The following NEBL variants were observed in gnomAD, a reference collection of about 807,000 sequenced individuals.
NEBL encodes LIM and SH3 protein 2.
A neutral mutation model predicts 140.2 loss-of-function variants in NEBL; 122 were observed. The ratio of observed to expected loss-of-function variants is 0.87; its 90% CI spans 0.75 to 1.01. The LOEUF is 1.01. Ranked by LOEUF, NEBL falls within the 50% of genes least tolerant of loss-of-function variation. The pLI is 0.00. For synonymous variants in NEBL, 436 were observed against 398.9 expected, an observed-to-expected ratio of 1.09 and a Z score of -1.11; for missense variants, 1,365 against 1,231.3, an observed-to-expected ratio of 1.11 and a Z score of -1.62.
chr10:20,989,325 C>T (rs1018236223), intron 3 of NEBL, among the ~76,000 whole-genome samples: 1 of 151,932 alleles, frequency 6.6e-6, no homozygotes, highest in African/African-American at 2.4e-5. Context: ...GAAATGATTT[C>T]CAAAGGTGAT....
intron 2 of NEBL, among the ~76,000 whole-genome samples, chr10:21,120,383 A>T (rs1641193434): frequency 3.1e-5 from 2 of 64,898 alleles, no homozygotes; most frequent in African/African-American, 2.3e-4. Flanking sequence ...TCAAAAAAAA[A>T]AAAAAAATAC....
chr10:20,863,584 G>C (rs1467912120), intron 7 of NEBL, among the ~76,000 whole-genome samples: 1 of 152,028 alleles, frequency 6.6e-6, no homozygotes. Context: ...CAATATCTCT[G>C]CTCTTATTTT....
chr10:20,995,129 A>T (rs536862979), intron 3 of NEBL, among the ~76,000 whole-genome samples: 1 of 152,330 alleles, frequency 6.6e-6, no homozygotes, highest in East Asian at 1.9e-4. Flanking sequence ...CAAAGTCTGA[A>T]CGTCAGGACA....
At chr10:21,137,078 G>A (rs1839388061) in intron 2 of NEBL, among the ~76,000 whole-genome samples, 1 of 152,162 alleles carries the variant, frequency 6.6e-6, no homozygotes, top group Admixed American at 6.5e-5. Context: ...TTGTCTACAG[G>A]GAAGTGATTA....
At chr10:20,981,307 A>C (rs908724740) in intron 3 of NEBL, among the ~76,000 whole-genome samples, 7 of 127,866 alleles carry the variant, frequency 5.5e-5, no homozygotes, top group Non-Finnish European at 9.5e-5. Context: ...GCCAGAAAAG[A>C]AAAAAAAAAA....
At chr10:21,134,141 A>C (rs573339708) in intron 2 of NEBL, among the ~76,000 whole-genome samples, 1 of 152,046 alleles carries the variant, frequency 6.6e-6, no homozygotes, top group East Asian at 1.9e-4. Flanking sequence ...CAGGAGAATC[A>C]CTTGAACCCA....
intron 4 of NEBL, among the ~76,000 whole-genome samples, chr10:20,905,343 T>G (rs903873642): frequency 1.3e-5 from 2 of 151,942 alleles, no homozygotes; most frequent in Non-Finnish European, 2.9e-5. Context: ...ATAAAAGAGG[T>G]TTAATTGACT....
At chr10:21,205,866 C>T (rs572790405) in intron 3 of NEBL, among the ~76,000 whole-genome samples, 1 of 152,208 alleles carries the variant, frequency 6.6e-6, no homozygotes, top group East Asian at 1.9e-4. Context: ...AAACATGCAG[C>T]TAAGGAAAGC....
intron 3 of NEBL, among the ~76,000 whole-genome samples, chr10:21,004,928 AT>A (rs1838068392): frequency 6.6e-6 from 1 of 152,218 alleles, no homozygotes; most frequent in African/African-American, 2.4e-5. Context: ...CCCTTTCAGT[AT>A]TAACCTCTCA....
intron 2 of NEBL, among the ~76,000 whole-genome samples, chr10:21,123,582 A>T (rs1838678073): frequency 6.6e-6 from 1 of 152,028 alleles, no homozygotes. Context: ...GTTATTTCCC[A>T]TGCCTGGAAC....
chr10:21,215,944 T>G (rs1411833806), intron 3 of NEBL, among the ~76,000 whole-genome samples: 1 of 152,186 alleles, frequency 6.6e-6, no homozygotes, highest in Non-Finnish European at 1.5e-5. Context: ...GTGCTGGAAT[T>G]ATAGGCGTGA....
At chr10:21,201,455 G>A (rs1841735208) in intron 3 of NEBL, among the ~76,000 whole-genome samples, 1 of 152,152 alleles carries the variant, frequency 6.6e-6, no homozygotes, top group Non-Finnish European at 1.5e-5. Flanking sequence ...TATATTCAGA[G>A]GTAGGAAGCA....
At chr10:21,177,014 A>C (rs1027929240), upstream of NEBL, among the ~76,000 whole-genome samples, 3 of 152,222 alleles carry the variant, frequency 2.0e-5, no homozygotes, top group Non-Finnish European at 4.4e-5. Flanking sequence ...GACTAATACC[A>C]GTTTGGATGC....
intron 3 of NEBL, among the ~76,000 whole-genome samples, chr10:21,014,129 T>G (rs1219562341): frequency 2.0e-5 from 3 of 152,020 alleles, no homozygotes; most frequent in Non-Finnish European, 4.4e-5. Context: ...TTATTATTAT[T>G]AATATTATTT....
chr10:21,048,118 A>T (rs1478852490), intron 2 of NEBL, among the ~76,000 whole-genome samples: 3 of 152,180 alleles, frequency 2.0e-5, no homozygotes, highest in African/African-American at 4.8e-5. Flanking sequence ...CACCAGGAGG[A>T]ACATCCTGCA....
intron 2 of NEBL, among the ~76,000 whole-genome samples, chr10:21,040,850 G>A (rs887992863): frequency 6.6e-6 from 1 of 152,088 alleles, no homozygotes; most frequent in Non-Finnish European, 1.5e-5. Context: ...TTAAAAGTGT[G>A]TAGCACCTTC....
At chr10:21,138,774 C>A (rs1839476824) in intron 2 of NEBL, among the ~76,000 whole-genome samples, 1 of 149,746 alleles carries the variant, frequency 6.7e-6, no homozygotes, top group Non-Finnish European at 1.5e-5. Flanking sequence ...TCAAGTGCAG[C>A]TGATTCCAAA....
chr10:21,085,886 T>A (rs1487303516), intron 2 of NEBL, among the ~76,000 whole-genome samples: 1 of 152,138 alleles, frequency 6.6e-6, no homozygotes, highest in African/African-American at 2.4e-5. Flanking sequence ...CTCTCAGATA[T>A]CATGAATAAA....
At chr10:20,864,805 C>A (rs1270437529) in intron 7 of NEBL, among the ~76,000 whole-genome samples, 1 of 152,108 alleles carries the variant, frequency 6.6e-6, no homozygotes, top group Non-Finnish European at 1.5e-5. Flanking sequence ...ATTGATATAC[C>A]TGAAAATACA....
Sources: allele counts gnomAD v4.1 joint callset (sites outside exome capture counted in the v4.1 genomes callset), GRCh38; gene constraint gnomAD v4.1.1; transcripts MANE v1.5; gene names NCBI Gene and HGNC (gene_info 2026-07-23, HGNC 2026-07-21).